Variants in MARK4 observed in about 807,000 individuals in gnomAD.
The protein encoded by MARK4 is MAP/microtubule affinity-regulating kinase 4.
In MARK4, 19 loss-of-function variants were observed where a neutral mutation model predicts 81.5. That is an observed-to-expected ratio of 0.23 (90% CI 0.16 to 0.34). The LOEUF is 0.34. MARK4 is among the 10% of genes least tolerant of loss of function. The probability of loss-of-function intolerance (pLI) is 1.00; values close to 1 mark genes in which losing one functional copy is unlikely to be tolerated. For synonymous variants in MARK4, 436 were observed against 439.0 expected, an observed-to-expected ratio of 0.99 and a Z score of 0.08; for missense variants, 772 against 1,058.8, an observed-to-expected ratio of 0.73 and a Z score of 3.76.
At chr19:45,294,547 T>TCCCCATGGCACCA in intron 14 of MARK4, 95 bp downstream of exon 14, 4 of 1,081,894 alleles carry the variant, frequency 3.7e-6, no homozygotes, top group Non-Finnish European at 5.5e-6. Context: ...TGGAGGCTGG[T>TCCCCATGGCACCA]GCCATGGGGA....
chr19:45,290,561 G>C (rs546183864), intron 13 of MARK4, among the ~76,000 whole-genome samples: 43 of 152,228 alleles, frequency 2.8e-4, no homozygotes, highest in Non-Finnish European at 5.0e-4. Context: ...GACCAGCCTT[G>C]ACTGGCCGTG....
intron 12 of MARK4, 60 bp from the exon 13 acceptor site, chr19:45,287,387 C>G: frequency 8.2e-7 from 1 of 1,214,544 alleles, no homozygotes; most frequent in Non-Finnish European, 1.1e-6. Flanking sequence ...CAACGATCCC[C>G]CAGAGTCAGT....
chr19:45,285,261 C>CAAAAA (rs71173139), intron 12 of MARK4, among the ~76,000 whole-genome samples: 3 of 57,098 alleles, frequency 5.3e-5, no homozygotes, highest in Admixed American at 2.0e-4. Flanking sequence ...TGCCGTGTCT[C>CAAAAA]AAAAAAAAAA....
At chr19:45,280,112 G>A (rs769730135) in intron 10 of MARK4, 2 of 412,152 alleles carry the variant, frequency 4.9e-6, no homozygotes, top group Non-Finnish European at 9.1e-6. Context: ...ACTTTGGGAG[G>A]CCCAGGTGGG....
chr19:45,282,093 C>T (rs1057160584), intron 12 of MARK4, among the ~76,000 whole-genome samples: 7 of 151,722 alleles, frequency 4.6e-5, no homozygotes, highest in Admixed American at 6.6e-5. Context: ...CGTGTTGGTG[C>T]GTGCCTATAA....
At chr19:45,273,697 C>G (rs912723832) in intron 8 of MARK4, among the ~76,000 whole-genome samples, 22 of 152,228 alleles carry the variant, frequency 1.4e-4, no homozygotes, top group African/African-American at 5.3e-4. Flanking sequence ...CCTGGTGTTT[C>G]CTCTCGATTG....
chr19:45,287,361 A>G (rs1970756494), intron 12 of MARK4, 86 bp from the exon 13 acceptor site: 1 of 923,994 alleles, frequency 1.1e-6, no homozygotes, highest in South Asian at 2.7e-5. Flanking sequence ...AACCCACGTG[A>G]GGAATTCTCA....
chr19:45,274,705 GTGT>G (rs1441099587), intron 8 of MARK4, among the ~76,000 whole-genome samples: 11 of 152,134 alleles, frequency 7.2e-5, no homozygotes, highest in African/African-American at 2.7e-4. Context: ...GGGTGGGGAG[GTGT>G]TGTCACAGAA....
intron 8 of MARK4, among the ~76,000 whole-genome samples, chr19:45,275,433 T>A (rs1439104549): frequency 6.6e-6 from 1 of 151,704 alleles, no homozygotes; most frequent in Non-Finnish European, 1.5e-5. Context: ...TACAGCGAAC[T>A]ATGATCACGC....
intron 13 of MARK4, chr19:45,288,292 C>G (rs1369705542): frequency 6.6e-6 from 1 of 152,364 alleles, no homozygotes; most frequent in African/African-American, 2.4e-5. Flanking sequence ...GTGGCTTACG[C>G]TTGTAATCCC....
Position 45,297,915 on chromosome 19 carries a change from C to G in MARK4, c.1838C>G (p.Thr613Ser). The G allele has an allele frequency of 1.3e-6, 2 of 1,550,452 alleles. No homozygotes were observed. Among genetic ancestry groups the G allele is most frequent in the Non-Finnish European group, 1.7e-6 (2 of 1,146,772 alleles). Reference protein sequence around the residue: ...PLPAGRPRPTTNLFTKLTSKL... With the variant: ...PLPAGRPRPTSNLFTKLTSKL... ...CCCGCCGGGCGGCCCCGCCCCACCA[C>G]CAACCTCTTCACCAAGCTGACCTCC... Residue 613 changes from threonine to serine, a missense_variant, in exon 15 of 17, where the codon ACC becomes AGC. This residue lies in a region of MARK4 where 548 missense variants were observed against 624.3 expected (regional missense o/e 0.88). Transcript: ENST00000262891.
rs546959398 is a variant in MARK4 at position 45,285,298 on chromosome 19, A to G, written c.1277-2149A>G. 2.6e-5 allele frequency among the ~76,000 whole-genome samples: 4 copies of G among 151,098 alleles called. No individual in the cohort carries two copies. In the South Asian group the frequency reaches 8.4e-4, roughly 32 times the overall value. ...AAAAAAAAAAAAAGAATCCAGCCCA[A>G]GTGTTAGCTAGAATCTCCTTGGTCC... On this transcript the variant is annotated intron_variant, in intron 12 of 16. Coordinates refer to ENST00000262891, the MANE Select transcript of MARK4 (RefSeq NM_001199867.2).
intron 9 of MARK4, 24 bp from the exon 10 acceptor site, chr19:45,278,492 C>A: frequency 6.2e-7 from 1 of 1,604,038 alleles, no homozygotes; most frequent in Non-Finnish European, 8.5e-7. Context: ...TGTCTTCCCC[C>A]TTCCCTGCTC....
At chr19:45,294,241 A>G (rs1249538626) in intron 13 of MARK4, 108 bp from the exon 14 acceptor site, 11 of 1,019,294 alleles carry the variant, frequency 1.1e-5, no homozygotes, top group African/African-American at 1.6e-5. Context: ...GGGTTCCCAC[A>G]TGAGCCCCTG....
At chr19:45,272,152 G>A (rs1346682300) in intron 8 of MARK4, among the ~76,000 whole-genome samples, 1 of 151,860 alleles carries the variant, frequency 6.6e-6, no homozygotes, top group Non-Finnish European at 1.5e-5. Context: ...GGCAACATAG[G>A]GAGACGCTGT....
rs781276646 is a variant in MARK4 at position 45,263,380 on chromosome 19, T to C, written c.355+13T>C. On this transcript the variant is annotated intron_variant, in intron 4 of 16. Transcript: ENST00000262891. ...CACCCCAACATCGGTGAGGAGGGAA[T>C]GGGAGCAGGGGCAGGCCACCAACTG... The C allele has an allele frequency of 1.2e-6, 2 of 1,613,986 alleles. No individual in the cohort carries two copies. Among genetic ancestry groups the C allele is most frequent in the East Asian group, 4.5e-5 (2 of 44,870 alleles).
chr19:45,273,408 G>C (rs1343608301), intron 8 of MARK4, among the ~76,000 whole-genome samples: 1 of 152,140 alleles, frequency 6.6e-6, no homozygotes, highest in Non-Finnish European at 1.5e-5. Flanking sequence ...TTTTCCTGTT[G>C]ACGGTGACAT....
rs553900654 is a variant in MARK4 at position 45,297,892 on chromosome 19, C to T, written c.1815C>T (p.Pro605=). ...PTLAHEAAPL[P]AGRPRPTTNL... ...TGGCCCATGAGGCTGCACCCCTGCCCGCCGGGCGGCCCCGCCCCACCACCA... is the reference window on the plus strand; with the variant it reads ...TGGCCCATGAGGCTGCACCCCTGCCTGCCGGGCGGCCCCGCCCCACCACCA... Residue 605 remains proline, a synonymous_variant, in exon 15 of 17, where the codon CCC becomes CCT. Coordinates refer to ENST00000262891, the MANE Select transcript of MARK4 (RefSeq NM_001199867.2). 5.7e-4 allele frequency: 883 copies of T among 1,549,684 alleles called. 1 individual carries two copies. Among genetic ancestry groups the T allele is most frequent in the Non-Finnish European group, 7.3e-4 (836 of 1,146,642 alleles).
chr19:45,290,295 C>G (rs1036661947), intron 13 of MARK4, among the ~76,000 whole-genome samples: 1 of 152,218 alleles, frequency 6.6e-6, no homozygotes, highest in Non-Finnish European at 1.5e-5. Context: ...CTCCAGAGGT[C>G]CTGACCATCA....
Sources: allele counts gnomAD v4.1 joint callset (sites outside exome capture counted in the v4.1 genomes callset), GRCh38; gene constraint gnomAD v4.1.1; regional missense constraint gnomAD v4.1.1; transcripts MANE v1.5; gene names NCBI Gene and HGNC (gene_info 2026-07-23, HGNC 2026-07-21).